The following NCALD variants were observed in gnomAD, a reference collection of about 807,000 sequenced individuals.
NCALD encodes the protein neurocalcin-delta.
In NCALD, 10 loss-of-function variants were observed where a neutral mutation model predicts 18.6. The ratio of observed to expected loss-of-function variants is 0.54; its 90% confidence interval spans 0.33 to 0.91. The LOEUF (loss-of-function observed/expected upper bound fraction) is 0.91, where lower values mean the gene tolerates loss of function less well. NCALD is among the 40% of genes least tolerant of loss of function. The probability of loss-of-function intolerance (pLI) is 0.03; values close to 1 mark genes in which losing one functional copy is unlikely to be tolerated. For synonymous variants in NCALD, 88 were observed against 87.4 expected, an observed-to-expected ratio of 1.01 and a Z score of -0.04; for missense variants, 184 against 247.6, an observed-to-expected ratio of 0.74 and a Z score of 1.72.
intron 3 of NCALD, among the ~76,000 whole-genome samples, chr8:101,909,872 C>G (rs998040707): frequency 2.0e-5 from 3 of 151,962 alleles, no homozygotes; most frequent in African/African-American, 7.3e-5. Flanking sequence ...AGTTCCTAGA[C>G]AGGGTAGACC....
intron 1 of NCALD, among the ~76,000 whole-genome samples, chr8:101,724,677 C>A (rs1231308145): frequency 6.6e-6 from 1 of 152,208 alleles, no homozygotes; most frequent in Non-Finnish European, 1.5e-5. Flanking sequence ...TCCTATTAAA[C>A]TTTCACAACC....
intron 4 of NCALD, among the ~76,000 whole-genome samples, chr8:101,822,165 T>C (rs946988529): frequency 1.3e-5 from 2 of 152,236 alleles, no homozygotes; most frequent in Non-Finnish European, 2.9e-5. Context: ...AAACAAATTA[T>C]GGAAGACAAA....
intron 2 of NCALD, among the ~76,000 whole-genome samples, chr8:101,919,691 G>GA (rs951528972): frequency 2.2e-3 from 290 of 132,428 alleles, no homozygotes; most frequent in Middle Eastern, 7.3e-3. Flanking sequence ...GCAAGCAAAA[G>GA]AAAAAAAAAA....
At chr8:102,005,340 C>A (rs1821659773) in intron 2 of NCALD, among the ~76,000 whole-genome samples, 1 of 152,192 alleles carries the variant, frequency 6.6e-6, no homozygotes, top group Admixed American at 6.5e-5. Context: ...CTATCTCACA[C>A]CAGTTAGAAT....
chr8:101,766,040 C>T (rs1327795919), intron 1 of NCALD, among the ~76,000 whole-genome samples: 2 of 152,182 alleles, frequency 1.3e-5, no homozygotes, highest in Non-Finnish European at 2.9e-5. Context: ...GTCCCACATG[C>T]TCTTTATGGT....
intron 4 of NCALD, among the ~76,000 whole-genome samples, chr8:101,858,616 T>G (rs1430155823): frequency 6.6e-6 from 1 of 152,026 alleles, no homozygotes; most frequent in African/African-American, 2.4e-5. Flanking sequence ...GTACTCAGCA[T>G]CTAGAATGTC....
At chr8:101,801,734 T>C (rs1257755656) in intron 4 of NCALD, among the ~76,000 whole-genome samples, 1 of 133,850 alleles carries the variant, frequency 7.5e-6, no homozygotes, top group Non-Finnish European at 1.6e-5. Flanking sequence ...TGGCACTATC[T>C]CGGCTCACTG....
intron 1 of NCALD, among the ~76,000 whole-genome samples, chr8:101,778,058 C>G (rs1193426929): frequency 6.6e-6 from 1 of 152,128 alleles, no homozygotes; most frequent in Non-Finnish European, 1.5e-5. Flanking sequence ...CTTTCTACTC[C>G]CCTTTAAGAT....
chr8:101,761,119 A>G (rs1422140940), intron 1 of NCALD, among the ~76,000 whole-genome samples: 1 of 152,078 alleles, frequency 6.6e-6, no homozygotes, highest in Non-Finnish European at 1.5e-5. Context: ...CAATTCCACC[A>G]GCTTAACTGC....
chr8:101,756,545 A>C (rs1178838014), intron 1 of NCALD, among the ~76,000 whole-genome samples: 1 of 152,264 alleles, frequency 6.6e-6, no homozygotes, highest in Non-Finnish European at 1.5e-5. Flanking sequence ...TTTGGAAGTC[A>C]AGGGCCATCT....
At chr8:102,081,545 T>TAAAAA (rs770307937) in intron 1 of NCALD, among the ~76,000 whole-genome samples, 5 of 68,704 alleles carry the variant, frequency 7.3e-5, no homozygotes, top group Admixed American at 1.5e-4. Flanking sequence ...CAAATAATGG[T>TAAAAA]AAAAAAAAAA....
chr8:101,988,728 G>C (rs771136479), intron 2 of NCALD, among the ~76,000 whole-genome samples: 2 of 152,056 alleles, frequency 1.3e-5, no homozygotes, highest in Non-Finnish European at 2.9e-5. Context: ...TACCAAGTCA[G>C]CTTCAGGGTT....
chr8:101,738,052 G>C (rs1810003933), intron 1 of NCALD, among the ~76,000 whole-genome samples: 1 of 152,184 alleles, frequency 6.6e-6, no homozygotes, highest in African/African-American at 2.4e-5. Context: ...CAAAGCTACT[G>C]TCTGTGGTCA....
chr8:101,716,872 T>C (rs978843264), intron 2 of NCALD, among the ~76,000 whole-genome samples: 1 of 152,162 alleles, frequency 6.6e-6, no homozygotes, highest in Non-Finnish European at 1.5e-5. Context: ...AAGGACTCAA[T>C]CTGCTGTTGC....
intron 1 of NCALD, among the ~76,000 whole-genome samples, chr8:102,097,476 T>C (rs998827888): frequency 1.3e-5 from 2 of 152,212 alleles, no homozygotes; most frequent in African/African-American, 4.8e-5. Context: ...CTTTGTGCTG[T>C]GTGGCTTGCT....
intron 1 of NCALD, among the ~76,000 whole-genome samples, chr8:102,120,054 A>G (rs77622451): frequency 0.06 from 9,189 of 152,302 alleles, 403 homozygotes; most frequent in Non-Finnish European, 0.093. Context: ...TCTGTTCACA[A>G]GTAATTCTAC....
chr8:101,818,664 C>A (rs2131178361), intron 4 of NCALD, among the ~76,000 whole-genome samples: 1 of 152,260 alleles, frequency 6.6e-6, no homozygotes, highest in Non-Finnish European at 1.5e-5. Flanking sequence ...CTGATTGCCA[C>A]AGAGTTCAGT....
chr8:101,725,385 T>C (rs1359447958), intron 1 of NCALD, among the ~76,000 whole-genome samples: 1 of 152,198 alleles, frequency 6.6e-6, no homozygotes, highest in Admixed American at 6.5e-5. Context: ...GATCACCTTC[T>C]TCCTGCACCA....
At chr8:101,941,335 G>C (rs566073602) in intron 2 of NCALD, among the ~76,000 whole-genome samples, 13 of 152,304 alleles carry the variant, frequency 8.5e-5, no homozygotes, top group African/African-American at 3.1e-4. Flanking sequence ...GTTCACAATA[G>C]AGCTCACGCT....
Sources: allele counts gnomAD v4.1 joint callset (sites outside exome capture counted in the v4.1 genomes callset), GRCh38; gene constraint gnomAD v4.1.1; transcripts MANE v1.5; gene names NCBI Gene and HGNC (gene_info 2026-07-23, HGNC 2026-07-21).